Variants in GABRB3 observed in about 807,000 individuals in gnomAD.
The protein encoded by GABRB3 is gamma-aminobutyric acid receptor subunit beta-3.
GABRB3 carries 14 observed loss-of-function variants against 52.1 expected under a neutral mutation model. That is an observed-to-expected ratio of 0.27 (90% CI 0.18 to 0.42). GABRB3 has a LOEUF of 0.42. Ranked by LOEUF, GABRB3 falls within the 10% of genes least tolerant of loss-of-function variation. The pLI, the probability that GABRB3 is intolerant of heterozygous loss-of-function variation, is 1.00. For missense variants in GABRB3, 307 were observed against 609.1 expected, an observed-to-expected ratio of 0.50 and a Z score of 5.22; for synonymous variants, 260 against 232.3, an observed-to-expected ratio of 1.12 and a Z score of -1.08.
chr15:26,692,020 C>A (rs533202813), intron 3 of GABRB3, among the ~76,000 whole-genome samples: 214 of 152,274 alleles, frequency 1.4e-3, no homozygotes, highest in African/African-American at 5.0e-3. Context: ...TTCTCAGTAG[C>A]TTGCCACAAA....
chr15:26,596,972 AC>A (rs1891415821), intron 4 of GABRB3, among the ~76,000 whole-genome samples: 1 of 152,198 alleles, frequency 6.6e-6, no homozygotes, highest in African/African-American at 2.4e-5. Flanking sequence ...AGTGTATAAT[AC>A]AGCAAGGGGG....
chr15:26,576,468 A>G (rs1890596912), intron 6 of GABRB3, among the ~76,000 whole-genome samples: 1 of 152,238 alleles, frequency 6.6e-6, no homozygotes, highest in Non-Finnish European at 1.5e-5. Flanking sequence ...TTTCTGAGAA[A>G]TATAAAGAGG....
At chr15:26,617,898 G>A (rs1490363052) in intron 4 of GABRB3, among the ~76,000 whole-genome samples, 4 of 151,500 alleles carry the variant, frequency 2.6e-5, no homozygotes, top group Admixed American at 1.3e-4. Context: ...CAAATCATGA[G>A]TGAACTCCCA....
rs1348288306 is a variant in GABRB3 at position 26,554,207 on chromosome 15, A to ATATTTATT, written c.1081-6074_1081-6073insAATAAATA. Among the ~76,000 whole-genome samples the ATATTTATT allele has an allele frequency of 8.0e-4, 46 of 57,830 alleles. 2 individuals are homozygous for ATATTTATT. The highest frequency in any genetic ancestry group is 5.0e-3 in the South Asian group (8 of 1,612). 37.9% of individuals were successfully genotyped at this position (57,830 alleles called of 152,430 possible). ...ATATATATACTATATATATATATATATAGTAGAAACAAGGTCTCTCTTTGT... is the reference window on the plus strand; with the variant it reads ...ATATATATACTATATATATATATATATATTTATTTAGTAGAAACAAGGTCTCTCTTTGT... On this transcript the variant is annotated intron_variant, in intron 8 of 8. Transcript: ENST00000311550.
At chr15:26,695,834 C>T (rs1040868597) in intron 3 of GABRB3, among the ~76,000 whole-genome samples, 1 of 152,034 alleles carries the variant, frequency 6.6e-6, no homozygotes, top group African/African-American at 2.4e-5. Flanking sequence ...TCCTAGAAGC[C>T]AAAACAGAGA....
At chr15:26,570,226 G>T (rs1214431087) in intron 6 of GABRB3, among the ~76,000 whole-genome samples, 5 of 152,234 alleles carry the variant, frequency 3.3e-5, no homozygotes, top group Admixed American at 3.3e-4. Flanking sequence ...AGTTTGACAT[G>T]AGGTGAAAAC....
chr15:26,609,862 A>T (rs1043033412), intron 4 of GABRB3, among the ~76,000 whole-genome samples: 1 of 152,188 alleles, frequency 6.6e-6, no homozygotes, highest in African/African-American at 2.4e-5. Flanking sequence ...AATTATTCTG[A>T]AACTGACCCA....
intron 8 of GABRB3, among the ~76,000 whole-genome samples, chr15:26,548,690 T>C (rs976767325): frequency 4.6e-5 from 7 of 152,104 alleles, no homozygotes; most frequent in African/African-American, 1.7e-4. Flanking sequence ...CCAATACTGG[T>C]TCTGGCAGGA....
intron 3 of GABRB3, among the ~76,000 whole-genome samples, chr15:26,700,454 C>G (rs1888891587): frequency 6.6e-6 from 1 of 152,122 alleles, no homozygotes; most frequent in Admixed American, 6.6e-5. Flanking sequence ...AAGTAGAGAA[C>G]ACCTCCCAGT....
intron 3 of GABRB3, among the ~76,000 whole-genome samples, chr15:26,709,468 G>GCCT (rs1491392321): frequency 6.6e-6 from 1 of 151,136 alleles, no homozygotes; most frequent in East Asian, 1.9e-4. Flanking sequence ...TTCTTGCACA[G>GCCT]CCTGCAGAAC....
chr15:26,724,581 C>A (rs1410507941), intron 3 of GABRB3, among the ~76,000 whole-genome samples: 1 of 152,090 alleles, frequency 6.6e-6, no homozygotes, highest in African/African-American at 2.4e-5. Flanking sequence ...GTGGTTGGCG[C>A]CAGTCTACAG....
intron 3 of GABRB3, among the ~76,000 whole-genome samples, chr15:26,738,192 C>T (rs563476706): frequency 1.3e-5 from 2 of 152,278 alleles, no homozygotes; most frequent in East Asian, 3.9e-4. Flanking sequence ...CAGCAATTCT[C>T]CTGCCTCAGC....
At chr15:26,746,027 T>C (rs1024022274) in intron 3 of GABRB3, among the ~76,000 whole-genome samples, 1 of 152,216 alleles carries the variant, frequency 6.6e-6, no homozygotes, top group Non-Finnish European at 1.5e-5. Flanking sequence ...ACTGCCAACT[T>C]ATTTTCCAGA....
intron 3 of GABRB3, among the ~76,000 whole-genome samples, chr15:26,685,545 T>C (rs868851171): frequency 6.6e-6 from 1 of 152,050 alleles, no homozygotes; most frequent in Non-Finnish European, 1.5e-5. Context: ...AAAAATATAA[T>C]GTAGAAAAAA....
At chr15:26,773,723 A>G (rs1595364724), upstream of GABRB3, 2 of 1,564,912 alleles carry the variant, frequency 1.3e-6, no homozygotes, top group Non-Finnish European at 8.7e-7. Flanking sequence ...CCCGGAGCAC[A>G]TGGCGCTGTT....
chr15:26,761,937 A>G (rs989264883), intron 3 of GABRB3, among the ~76,000 whole-genome samples: 40 of 151,982 alleles, frequency 2.6e-4, no homozygotes, highest in African/African-American at 9.4e-4. Context: ...CGGGTTCAAG[A>G]TTCTTGTGAC....
At chr15:26,651,221 C>T (rs547745777) in intron 3 of GABRB3, among the ~76,000 whole-genome samples, 1 of 152,360 alleles carries the variant, frequency 6.6e-6, no homozygotes, top group East Asian at 1.9e-4. Context: ...AGGCCCCACA[C>T]AGAGCTTGCC....
At chr15:26,721,577 G>A (rs1467516649) in intron 3 of GABRB3, among the ~76,000 whole-genome samples, 1 of 151,716 alleles carries the variant, frequency 6.6e-6, no homozygotes, top group Non-Finnish European at 1.5e-5. Context: ...ACATGGGCAT[G>A]CATTAATCTT....
At chr15:26,713,314 T>C (rs1677621495) in intron 3 of GABRB3, among the ~76,000 whole-genome samples, 1 of 152,092 alleles carries the variant, frequency 6.6e-6, no homozygotes, top group South Asian at 2.1e-4. Context: ...TTTTTCATGG[T>C]GTGAGGCCGT....
Sources: gnomAD v4.1 joint callset for allele counts (sites outside exome capture counted in the v4.1 genomes callset) on GRCh38, gnomAD v4.1.1 for gene constraint, MANE v1.5 for transcripts, NCBI Gene and HGNC (gene_info 2026-07-23, HGNC 2026-07-21) for gene names.